The following ARHGAP39 variants were observed in gnomAD, a reference collection of about 807,000 sequenced individuals.
ARHGAP39 encodes Rho GTPase activating protein 39, also known as rho GTPase-activating protein 39.
In ARHGAP39, 44 loss-of-function variants were observed where a neutral mutation model predicts 106.9. The ratio of observed to expected loss-of-function variants is 0.41; its 90% confidence interval spans 0.32 to 0.53. ARHGAP39 has a LOEUF of 0.53. Ranked by LOEUF, ARHGAP39 falls within the 20% of genes least tolerant of loss-of-function variation. The pLI is 0.21. For missense variants in ARHGAP39, 1,496 were observed against 1,577.3 expected (o/e 0.95, Z 0.87); for synonymous variants, 768 against 693.2 (o/e 1.11, Z -1.69).
chr8:144,565,570 T>A (rs1586558335), intron 3 of ARHGAP39, among the ~76,000 whole-genome samples: 1 of 151,804 alleles, frequency 6.6e-6, no homozygotes, highest in East Asian at 1.9e-4. Context: ...GTGTCTGTAG[T>A]CCCAGCCACT....
chr8:144,609,839 A>G (rs1259870246), intron 1 of ARHGAP39, among the ~76,000 whole-genome samples: 1 of 152,192 alleles, frequency 6.6e-6, no homozygotes, highest in African/African-American at 2.4e-5. Context: ...TAATACCAGC[A>G]TAACAAAATG....
chr8:144,583,197 A>G (rs1490588899), intron 2 of ARHGAP39, among the ~76,000 whole-genome samples: 1 of 152,140 alleles, frequency 6.6e-6, no homozygotes, highest in Non-Finnish European at 1.5e-5. Context: ...CTGACGAACA[A>G]ATCTAGGCAG....
rs565263554 is a variant in ARHGAP39, at chr8:144,567,426, G to T, written c.513-11783C>A. Among the ~76,000 whole-genome samples the T allele has an allele frequency of 6.6e-5, 10 of 152,334 alleles. No individual in the cohort carries two copies. The East Asian group carries it at 1.9e-3, about 29-fold the overall frequency. On this transcript the variant is annotated intron_variant, in intron 3 of 11. Transcript: ENST00000377307. ...GAAGACACCCGTTGCCAAGCGGACC[G>T]TGGTCTAGCAGTAGCGTCAGTATCA...
intron 1 of ARHGAP39, among the ~76,000 whole-genome samples, chr8:144,654,631 G>T (rs2129659331): frequency 6.6e-6 from 1 of 152,350 alleles, no homozygotes; most frequent in South Asian, 2.1e-4. Flanking sequence ...GAGCTGGCAG[G>T]AGCCGGGGAC....
At chr8:144,608,156 C>CAAAAA (rs60966946) in intron 1 of ARHGAP39, among the ~76,000 whole-genome samples, 7 of 96,314 alleles carry the variant, frequency 7.3e-5, no homozygotes, top group Admixed American at 1.2e-4. Flanking sequence ...GACTCTGTCT[C>CAAAAA]AAAAAAAAAA....
At chr8:144,669,114 A>C (rs1465421914) in intron 1 of ARHGAP39, among the ~76,000 whole-genome samples, 1 of 151,020 alleles carries the variant, frequency 6.6e-6, no homozygotes, top group South Asian at 2.1e-4. Context: ...CTGTGTTAAA[A>C]AAGCAAAGCA....
intron 10 of ARHGAP39, 85 bp downstream of exon 10, chr8:144,532,220 T>C: frequency 1.7e-6 from 2 of 1,149,446 alleles, no homozygotes; most frequent in Non-Finnish European, 2.6e-6. Flanking sequence ...AGGATCAGGG[T>C]GGACCCCAGA....
At chr8:144,551,863 C>T (rs1201935058) in intron 4 of ARHGAP39, among the ~76,000 whole-genome samples, 10 of 152,234 alleles carry the variant, frequency 6.6e-5, no homozygotes, top group Admixed American at 2.6e-4. Context: ...TCAGCCAGTC[C>T]GGCCTCCCCG....
Position 144,547,516 on chromosome 8 carries a change from CGGCCAGGGGCTGCTCCACAAGCAG to C in ARHGAP39, c.1546_1569del (p.Leu516_Ala523del). The C allele has an allele frequency of 6.7e-7, 1 of 1,487,178 alleles. No homozygotes were observed. Among genetic ancestry groups the C allele is most frequent in the Non-Finnish European group, 8.9e-7 (1 of 1,122,488 alleles). The allele number at this position is 1,487,178 out of a possible 1,614,324, so 92.1% of individuals were successfully genotyped here. On this transcript the variant is annotated inframe_deletion, in exon 5 of 12. Coordinates refer to ENST00000377307, the MANE Select transcript of ARHGAP39 (RefSeq NM_025251.3). The surrounding 1 kb of genome is among the most constrained non-coding windows in gnomAD (Gnocchi z 5.2). ...CTGGTCCCGCACGGGGGCTGTTCCT[CGGCCAGGGGCTGCTCCACAAGCAG>C]GTCCCCGGGGCCCTCAGTGGGGGTG...
chr8:144,571,020 C>G (rs1226712381), intron 3 of ARHGAP39, among the ~76,000 whole-genome samples: 1 of 152,080 alleles, frequency 6.6e-6, no homozygotes, highest in East Asian at 1.9e-4. Context: ...AGTCCAGGAC[C>G]AGACGGATTC....
At chr8:144,690,477 TTC>T (rs990989759), upstream of ARHGAP39, among the ~76,000 whole-genome samples, 3 of 152,058 alleles carry the variant, frequency 2.0e-5, no homozygotes, top group Admixed American at 6.5e-5. Context: ...ACTTGTTAAT[TTC>T]TGTTTTTTTT....
intron 9 of ARHGAP39, 147 bp from the exon 10 acceptor site, chr8:144,532,543 C>T: frequency 4.5e-6 from 3 of 667,912 alleles, no homozygotes; most frequent in Non-Finnish European, 7.7e-6. Flanking sequence ...TGGCCTCTTT[C>T]CCACGAACGT....
rs747180817 is a variant in ARHGAP39, at chr8:144,547,824, T to A, written c.1262A>T (p.Asn421Ile). ...RAGPRHKYAPNPGGGSYSLQP... is the reference protein window; with the variant it reads ...RAGPRHKYAPIPGGGSYSLQP... ...CAAGGAGTACGAACCACCGCCGGGGTTGGGCGCGTACTTGTGCCGCGGGCC... is the reference window on the plus strand; with the variant it reads ...CAAGGAGTACGAACCACCGCCGGGGATGGGCGCGTACTTGTGCCGCGGGCC... Residue 421 changes from asparagine (N) to isoleucine (I), a missense_variant, in exon 5 of 12, where the codon AAC (asparagine) becomes ATC (isoleucine). By Grantham distance (149) the Asn-to-Ile change is moderately radical. Coordinates refer to ENST00000377307, the MANE Select transcript of ARHGAP39 (RefSeq NM_025251.3). This position sits in a 1 kb window ranked among gnomAD's most constrained non-coding sequence, Gnocchi z 5.2. 3.1e-6 allele frequency: 5 copies of A among 1,591,420 alleles called. No individual in the cohort carries two copies. The highest frequency in any genetic ancestry group is 3.4e-6 in the Non-Finnish European group (4 of 1,171,016).
chr8:144,601,508 G>A (rs1232655337), intron 2 of ARHGAP39, among the ~76,000 whole-genome samples: 4 of 139,004 alleles, frequency 2.9e-5, no homozygotes, highest in Non-Finnish European at 4.5e-5. Flanking sequence ...GTGCGTGGAG[G>A]CATGTGTGTG....
At chr8:144,533,902 T>G (rs1335698793) in intron 8 of ARHGAP39, among the ~76,000 whole-genome samples, 1 of 152,030 alleles carries the variant, frequency 6.6e-6, no homozygotes, top group Non-Finnish European at 1.5e-5. Flanking sequence ...TTGCCTGCCT[T>G]GCTCCTGAGC....
chr8:144,651,906 T>C (rs1821583157), intron 1 of ARHGAP39, among the ~76,000 whole-genome samples: 1 of 151,818 alleles, frequency 6.6e-6, no homozygotes, highest in South Asian at 2.1e-4. Context: ...CCTTACACCA[T>C]ATACAAAAAT....
intron 2 of ARHGAP39, among the ~76,000 whole-genome samples, chr8:144,587,852 C>T (rs1467590205): frequency 1.3e-5 from 2 of 152,146 alleles, no homozygotes; most frequent in Non-Finnish European, 1.5e-5. Flanking sequence ...GGGGTTTCAC[C>T]ACATTGGCCA....
chr8:144,556,850 G>C (rs111410784), intron 3 of ARHGAP39, among the ~76,000 whole-genome samples: 2 of 54,732 alleles, frequency 3.7e-5, no homozygotes. Context: ...AGAGGCAAAG[G>C]CTGAACCTTC....
chr8:144,637,734 T>C (rs1821207902), intron 1 of ARHGAP39, among the ~76,000 whole-genome samples: 1 of 152,116 alleles, frequency 6.6e-6, no homozygotes, highest in African/African-American at 2.4e-5. Context: ...ACGGTCTTGC[T>C]CGGTTGCCCA....
Sources: allele counts gnomAD v4.1 joint callset (sites outside exome capture counted in the v4.1 genomes callset), GRCh38; gene constraint gnomAD v4.1.1; non-coding constraint Gnocchi (gnomAD v3.1); transcripts MANE v1.5; gene names NCBI Gene and HGNC (gene_info 2026-07-23, HGNC 2026-07-21).